CPNE4: variants seen among roughly 807,000 people sequenced by gnomAD.
CPNE4 encodes the protein copine-4.
CPNE4 carries 25 observed loss-of-function variants against 67.9 expected under a neutral mutation model. That is an observed-to-expected ratio of 0.37 (90% CI 0.27 to 0.51). CPNE4 has a LOEUF of 0.51. Among genes scored for constraint, CPNE4 ranks in the 20% least tolerant of loss-of-function variants. The pLI is 0.93. For missense variants in CPNE4, 464 were observed against 690.8 expected, an observed-to-expected ratio of 0.67 and a Z score of 3.68; for synonymous variants, 242 against 244.9, an observed-to-expected ratio of 0.99 and a Z score of 0.11.
chr3:131,724,885 A>G (rs1445188625), intron 2 of CPNE4, among the ~76,000 whole-genome samples: 3 of 152,190 alleles, frequency 2.0e-5, no homozygotes, highest in Non-Finnish European at 4.4e-5. Context: ...CTTTTCCTAC[A>G]TACTTGTCAC....
chr3:131,662,764 T>C (rs1250791828), intron 7 of CPNE4, among the ~76,000 whole-genome samples: 1 of 152,190 alleles, frequency 6.6e-6, no homozygotes, highest in African/African-American at 2.4e-5. Flanking sequence ...CACAATGAGA[T>C]ACCATCTCAC....
chr3:131,956,837 G>A (rs1022275393), intron 1 of CPNE4, among the ~76,000 whole-genome samples: 1 of 152,134 alleles, frequency 6.6e-6, no homozygotes, highest in East Asian at 1.9e-4. Flanking sequence ...GTTTTAGAAT[G>A]GAGAGAGAAA....
At chr3:131,882,137 TACACACAC>T (rs35615774) in intron 2 of CPNE4, among the ~76,000 whole-genome samples, 17 of 150,676 alleles carry the variant, frequency 1.1e-4, no homozygotes, top group African/African-American at 4.9e-5. Context: ...TCAGTTCTAA[TACACACAC>T]ACACACACAC....
intron 1 of CPNE4, among the ~76,000 whole-genome samples, chr3:132,030,714 A>T (rs1451760541): frequency 1.3e-5 from 2 of 152,256 alleles, no homozygotes; most frequent in Non-Finnish European, 2.9e-5. Context: ...GAGAAAATAT[A>T]TCCAATATAT....
At chr3:131,700,721 T>C (rs2081276782) in intron 3 of CPNE4, among the ~76,000 whole-genome samples, 1 of 152,210 alleles carries the variant, frequency 6.6e-6, no homozygotes, top group South Asian at 2.1e-4. Flanking sequence ...AAATACCATT[T>C]GACCCAGCCA....
intron 2 of CPNE4, among the ~76,000 whole-genome samples, chr3:131,847,056 C>T (rs1403973977): frequency 1.3e-5 from 2 of 152,308 alleles, no homozygotes; most frequent in East Asian, 3.9e-4. Flanking sequence ...TCTGCCCCAT[C>T]TCCCCTCAGA....
intron 1 of CPNE4, among the ~76,000 whole-genome samples, chr3:131,914,153 T>C (rs560085802): frequency 6.6e-6 from 1 of 152,274 alleles, no homozygotes; most frequent in South Asian, 2.1e-4. Context: ...GGCAAGAAAT[T>C]GCATCCTAGA....
intron 1 of CPNE4, among the ~76,000 whole-genome samples, chr3:131,924,109 T>C (rs1560609044): frequency 2.0e-5 from 3 of 152,184 alleles, no homozygotes. Flanking sequence ...CCCTGGGGAC[T>C]CATCAAGGAC....
Position 131,892,145 on chromosome 3 carries a change from C to T in CPNE4, c.180+13119G>A, listed in dbSNP as rs191041408. Among the ~76,000 whole-genome samples, 244 of 152,220 alleles carry T rather than the reference C, an allele frequency of 1.6e-3. 1 individual carries two copies. Among genetic ancestry groups the T allele is most frequent in the Non-Finnish European group, 2.8e-3 (192 of 67,998 alleles). ...TAAGCTGGAGATCCCCAAACAGTCCCCACTGCCCCTATAAAAATCCTTGCT... is the reference window on the plus strand; with the variant it reads ...TAAGCTGGAGATCCCCAAACAGTCCTCACTGCCCCTATAAAAATCCTTGCT... On this transcript the variant is annotated intron_variant, in intron 2 of 15. Coordinates refer to ENST00000429747, the MANE Select transcript of CPNE4 (RefSeq NM_130808.3).
intron 7 of CPNE4, among the ~76,000 whole-genome samples, chr3:131,660,069 C>T (rs2080083468): frequency 6.6e-6 from 1 of 152,158 alleles, no homozygotes; most frequent in African/African-American, 2.4e-5. Context: ...ACGATTACCA[C>T]CATCTTTGTC....
chr3:131,832,518 G>A (rs1255453573), intron 2 of CPNE4, among the ~76,000 whole-genome samples: 11 of 152,156 alleles, frequency 7.2e-5, no homozygotes, highest in Admixed American at 7.2e-4. Context: ...GCCAGAGAGG[G>A]TTACTCTTGA....
chr3:131,709,222 T>TAC (rs754943544), intron 3 of CPNE4, among the ~76,000 whole-genome samples: 13 of 151,928 alleles, frequency 8.6e-5, no homozygotes, highest in Non-Finnish European at 1.8e-4. Context: ...TATCTTTGCA[T>TAC]ACAGAAAAAC....
At chr3:131,628,311 GA>G in intron 7 of CPNE4, among the ~76,000 whole-genome samples, 1 of 152,208 alleles carries the variant, frequency 6.6e-6, no homozygotes, top group Non-Finnish European at 1.5e-5. Flanking sequence ...CATGGCTGGG[GA>G]GGCCTCAGAA....
intron 14 of CPNE4, among the ~76,000 whole-genome samples, chr3:131,545,614 A>C (rs1935788835): frequency 6.6e-6 from 1 of 152,258 alleles, no homozygotes; most frequent in Non-Finnish European, 1.5e-5. Flanking sequence ...CAGAATTATT[A>C]GACAAACTAC....
chr3:131,622,018 C>CAAAAAA lies in CPNE4; in HGVS notation c.682-34442_682-34437dup, dbSNP rs34415771. On this transcript the variant is annotated intron_variant, in intron 7 of 15. Coordinates refer to ENST00000429747, the MANE Select transcript of CPNE4 (RefSeq NM_130808.3). ...TGGGCAACAAAGCCAGACCCTGTCTCAAAAAAAAAAAAAAAAAAAAAGAAA... is the reference window on the plus strand; with the variant it reads ...TGGGCAACAAAGCCAGACCCTGTCTCAAAAAAAAAAAAAAAAAAAAAAAAAAAGAAA... Among the ~76,000 whole-genome samples the CAAAAAA allele has an allele frequency of 1.1e-3, 64 of 57,648 alleles. 1 individual carries two copies. The highest frequency in any genetic ancestry group is 1.7e-3 in the East Asian group (4 of 2,358). The allele number at this position is 57,648 out of a possible 152,430, so 37.8% of individuals were successfully genotyped here. A position where few individuals can be genotyped will look rare whatever the true frequency, so the allele number is the denominator to read the frequency against.
At chr3:131,984,723 G>T (rs1474376241) in intron 1 of CPNE4, among the ~76,000 whole-genome samples, 1 of 152,192 alleles carries the variant, frequency 6.6e-6, no homozygotes, top group East Asian at 1.9e-4. Context: ...TACATGGAAG[G>T]TTGTAGTGCC....
At chr3:131,792,611 GTATATA>G (rs1256766972) in intron 2 of CPNE4, among the ~76,000 whole-genome samples, 3,959 of 115,568 alleles carry the variant, frequency 0.034, 163 homozygotes, top group East Asian at 0.054. Context: ...ATGTGTGTGT[GTATATA>G]TGTATATATA....
chr3:131,666,422 C>T (rs4854770), intron 7 of CPNE4, among the ~76,000 whole-genome samples: 50,145 of 151,796 alleles, frequency 0.33, 8,641 homozygotes, highest in African/African-American at 0.4. Flanking sequence ...CATAGAAATA[C>T]ATATGTAATG....
chr3:131,927,947 C>G (rs974384287), intron 1 of CPNE4, among the ~76,000 whole-genome samples: 2 of 152,076 alleles, frequency 1.3e-5, no homozygotes, highest in Admixed American at 1.3e-4. Context: ...ATGAAAACCG[C>G]TAAAGAAAAT....
Sources: gnomAD v4.1 joint callset for allele counts (sites outside exome capture counted in the v4.1 genomes callset) on GRCh38, gnomAD v4.1.1 for gene constraint, MANE v1.5 for transcripts, NCBI Gene and HGNC (gene_info 2026-07-23, HGNC 2026-07-21) for gene names.